IQCM: variants seen among roughly 807,000 people sequenced by gnomAD.
IQCM encodes IQ motif containing M.
IQCM carries 45 observed loss-of-function variants against 57.6 expected under a neutral mutation model. That is an observed-to-expected ratio of 0.78 (90% CI 0.62 to 1.00). The LOEUF is 1.00. Among genes scored for constraint, IQCM ranks in the 50% least tolerant of loss-of-function variants. The pLI, the probability that IQCM is intolerant of heterozygous loss-of-function variation, is 0.00. For missense variants in IQCM, 468 were observed against 511.6 expected (o/e 0.91, Z 0.82); for synonymous variants, 148 against 158.9 (o/e 0.93, Z 0.51).
chr4:149,738,940 C>G (rs17026403), intron 3 of IQCM, among the ~76,000 whole-genome samples: 1 of 152,134 alleles, frequency 6.6e-6, no homozygotes, highest in African/African-American at 2.4e-5. Flanking sequence ...ATGTATCTAT[C>G]CCACAAATGA....
At chr4:149,365,222 A>G (rs1272585505) in intron 13 of IQCM, among the ~76,000 whole-genome samples, 1 of 152,176 alleles carries the variant, frequency 6.6e-6, no homozygotes, top group African/African-American at 2.4e-5. Context: ...AAGTAAGGAA[A>G]TGCACAAAAG....
chr4:149,754,501 C>T (rs906370933), intron 2 of IQCM, among the ~76,000 whole-genome samples: 12 of 152,182 alleles, frequency 7.9e-5, no homozygotes, highest in Admixed American at 2.0e-4. Context: ...TTGTCAAAGT[C>T]GCCAATAACT....
intron 12 of IQCM, among the ~76,000 whole-genome samples, chr4:149,473,500 C>G (rs1405658428): frequency 1.3e-5 from 2 of 152,072 alleles, no homozygotes; most frequent in Non-Finnish European, 2.9e-5. Flanking sequence ...GATGTGGAGA[C>G]ATAGGAACAG....
chr4:149,577,864 GT>G (rs1215602332), intron 9 of IQCM, among the ~76,000 whole-genome samples: 2 of 151,916 alleles, frequency 1.3e-5, no homozygotes, highest in African/African-American at 4.8e-5. Flanking sequence ...TAGTAAGCAT[GT>G]TTTTTCATTT....
chr4:149,468,973 C>T (rs1047841018), intron 12 of IQCM, among the ~76,000 whole-genome samples: 3 of 152,098 alleles, frequency 2.0e-5, no homozygotes, highest in East Asian at 1.9e-4. Flanking sequence ...CCCATCTGTA[C>T]GTCACCATCA....
At chr4:149,613,484 G>A (rs1032947222) in intron 8 of IQCM, among the ~76,000 whole-genome samples, 7 of 151,800 alleles carry the variant, frequency 4.6e-5, no homozygotes, top group South Asian at 4.1e-4. Flanking sequence ...GAAAAATTTC[G>A]TATATTAAAA....
At chr4:149,768,103 A>C (rs1184393855) in intron 2 of IQCM, among the ~76,000 whole-genome samples, 5 of 152,154 alleles carry the variant, frequency 3.3e-5, no homozygotes, top group Admixed American at 3.3e-4. Context: ...AAGTTCCTAA[A>C]ATAATAATTA....
In IQCM at chr4:149,628,290, C is replaced by A. The variant is rs148717376; in HGVS notation, c.566-7046G>T. On this transcript the variant is annotated intron_variant, in intron 7 of 13. Transcript: ENST00000636793. ...ATAAGCCAACTCTTTGAAATAGAAG[C>A]CAAAACAATAAAGAAATAACTAAAA... Among the ~76,000 whole-genome samples the A allele has an allele frequency of 2.5e-3, 381 of 151,284 alleles. 3 individuals carry two copies. Among genetic ancestry groups the A allele is most frequent in the African/African-American group, 6.6e-3 (274 of 41,280 alleles).
intron 7 of IQCM, among the ~76,000 whole-genome samples, chr4:149,642,487 A>C (rs533038332): frequency 3.6e-4 from 55 of 152,280 alleles, no homozygotes; most frequent in Admixed American, 2.9e-3. Context: ...CAAAGTAACC[A>C]GGAATGACAA....
chr4:149,689,871 A>G (rs548982739), intron 5 of IQCM, among the ~76,000 whole-genome samples: 1 of 152,030 alleles, frequency 6.6e-6, no homozygotes, highest in African/African-American at 2.4e-5. Flanking sequence ...AATCAAAACC[A>G]CAATGTGAAA....
At chr4:149,601,327 A>C in intron 8 of IQCM, among the ~76,000 whole-genome samples, 1 of 152,130 alleles carries the variant, frequency 6.6e-6, no homozygotes, top group South Asian at 2.1e-4. Context: ...ATACCTTCAA[A>C]TCTATCTCTG....
intron 8 of IQCM, among the ~76,000 whole-genome samples, chr4:149,602,583 T>A (rs1754411812): frequency 6.6e-6 from 1 of 152,160 alleles, no homozygotes; most frequent in African/African-American, 2.4e-5. Context: ...TAAATCTTAA[T>A]TTCTTATTTT....
At chr4:149,644,488 C>T (rs545028036) in intron 7 of IQCM, among the ~76,000 whole-genome samples, 129 of 152,168 alleles carry the variant, frequency 8.5e-4, no homozygotes, top group Admixed American at 8.1e-3. Flanking sequence ...AAAACTGATT[C>T]CTGTTGTTGC....
At chr4:149,617,080 C>G (rs368301984) in intron 8 of IQCM, among the ~76,000 whole-genome samples, 10 of 151,932 alleles carry the variant, frequency 6.6e-5, no homozygotes, top group Admixed American at 6.6e-4. Context: ...CTCAGCCTCC[C>G]GAGTAGCTGG....
chr4:149,542,875 C>A (rs536427431), intron 12 of IQCM, among the ~76,000 whole-genome samples: 1 of 152,058 alleles, frequency 6.6e-6, no homozygotes, highest in South Asian at 2.1e-4. Context: ...ATATTATCTT[C>A]CTTTTACAGC....
At chr4:149,577,336 T>C (rs1561012384) in intron 9 of IQCM, among the ~76,000 whole-genome samples, 2 of 152,026 alleles carry the variant, frequency 1.3e-5, no homozygotes, top group African/African-American at 4.8e-5. Flanking sequence ...ATTTCCTAGG[T>C]TTTCTTCTAG....
chr4:149,547,296 G>T (rs1365146338), intron 12 of IQCM, among the ~76,000 whole-genome samples: 3 of 152,156 alleles, frequency 2.0e-5, no homozygotes, highest in African/African-American at 7.2e-5. Context: ...ATACACAATG[G>T]ACTGGTATTC....
chr4:149,757,176 T>G (rs919109464), intron 2 of IQCM, among the ~76,000 whole-genome samples: 3 of 151,832 alleles, frequency 2.0e-5, no homozygotes, highest in Non-Finnish European at 4.4e-5. Context: ...GAGAATGGCA[T>G]GAACCCGGGA....
chr4:149,447,220 C>T (rs1270539434), intron 12 of IQCM, among the ~76,000 whole-genome samples: 2 of 151,442 alleles, frequency 1.3e-5, no homozygotes, highest in African/African-American at 2.4e-5. Context: ...AAAGCACAAG[C>T]ATATTTTTAG....
Sources: allele counts gnomAD v4.1 joint callset (sites outside exome capture counted in the v4.1 genomes callset), GRCh38; gene constraint gnomAD v4.1.1; transcripts MANE v1.5; gene names NCBI Gene and HGNC (gene_info 2026-07-23, HGNC 2026-07-21).